The following UGT1A10 variants were observed in gnomAD, a reference collection of about 807,000 sequenced individuals.
UGT1A10 encodes the protein UDP glucuronosyltransferase family 1 member A10, also known as UDP-glucuronosyltransferase 1A10.
In UGT1A10, 49 loss-of-function variants were observed where a neutral mutation model predicts 45.8. That is an observed-to-expected ratio of 1.07 (90% CI 0.85 to 1.36). The LOEUF (loss-of-function observed/expected upper bound fraction) is 1.36, where lower values mean the gene tolerates loss of function less well. UGT1A10 is among the 40% of genes most tolerant of loss of function. UGT1A10 has a pLI of 0.00. For missense variants in UGT1A10, 745 were observed against 668.6 expected (o/e 1.11, Z -1.26); for synonymous variants, 284 against 249.7 (o/e 1.14, Z -1.29).
rs765390164 is a variant in UGT1A10 at position 233,768,290 on chromosome 2, C to T, written c.1146C>T (p.Gly382=). ...SHGVYESICN[G]VPMVMMPLFG... is the part of the protein sequence containing the mutation. Reference sequence around the variant, plus strand: ...GTGTTTATGAAAGCATATGCAATGGCGTTCCCATGGTGATGATGCCCTTGT... The same window carrying T: ...GTGTTTATGAAAGCATATGCAATGGTGTTCCCATGGTGATGATGCCCTTGT... Residue 382 remains glycine, a synonymous_variant, in exon 4 of 5, where the codon GGC becomes GGT. Coordinates refer to ENST00000344644, the MANE Select transcript of UGT1A10 (RefSeq NM_019075.4). The T allele has an allele frequency of 5.0e-6, 8 of 1,614,064 alleles. No individual in the cohort carries two copies. Among genetic ancestry groups the T allele is most frequent in the African/African-American group, 2.7e-5 (2 of 74,922 alleles).
intron 1 of UGT1A10, among the ~76,000 whole-genome samples, chr2:233,687,679 G>A (rs1024397203): frequency 4.0e-5 from 6 of 151,660 alleles, no homozygotes; most frequent in Admixed American, 1.3e-4. Context: ...AAGGCAGGAA[G>A]ATCACTTAAG....
At chr2:233,671,410 T>G (rs767646652) in intron 1 of UGT1A10, among the ~76,000 whole-genome samples, 1 of 152,192 alleles carries the variant, frequency 6.6e-6, no homozygotes, top group Non-Finnish European at 1.5e-5. Flanking sequence ...AGCAGCAATA[T>G]GTATGCATTG....
At position 233,665,818 on chromosome 2, in the gene UGT1A10, G is replaced by A. The variant is rs539795741; in HGVS notation, c.855+28441G>A. Among the ~76,000 whole-genome samples the A allele has an allele frequency of 5.3e-4, 80 of 152,280 alleles. 2 individuals carry two copies. Among genetic ancestry groups the A allele is most frequent in the South Asian group, 6.2e-4 (3 of 4,816 alleles). ...AAATACCCAACAGTGGAGTAGTTGT[G>A]ATCTATGGTAGGTGTATGGTTACCT... is the stretch of plus-strand genomic sequence containing the variant. On this transcript the variant is annotated intron_variant, in intron 1 of 4. Coordinates refer to ENST00000344644, the MANE Select transcript of UGT1A10 (RefSeq NM_019075.4).
intron 1 of UGT1A10, among the ~76,000 whole-genome samples, chr2:233,748,498 T>G (rs1180536491): frequency 2.0e-5 from 3 of 151,812 alleles, no homozygotes; most frequent in Non-Finnish European, 4.4e-5. Flanking sequence ...TGTGATAATT[T>G]TTAGTGGTCC....
At chr2:233,728,351 G>A (rs1396406554) in intron 1 of UGT1A10, among the ~76,000 whole-genome samples, 1 of 152,180 alleles carries the variant, frequency 6.6e-6, no homozygotes, top group East Asian at 1.9e-4. Context: ...TGGTGAGCAG[G>A]AGCTCCCTGA....
intron 1 of UGT1A10, among the ~76,000 whole-genome samples, chr2:233,674,389 C>T (rs904545171): frequency 6.6e-6 from 1 of 152,126 alleles, no homozygotes; most frequent in Non-Finnish European, 1.5e-5. Context: ...CTTTACCCTC[C>T]ATAAATTATA....
chr2:233,767,737 C>A, intron 2 of UGT1A10, 112 bp from the exon 3 acceptor site: 1 of 1,571,400 alleles, frequency 6.4e-7, no homozygotes, highest in South Asian at 1.2e-5. Context: ...TCCTCCCACT[C>A]TGTTAAAGAC....
intron 1 of UGT1A10, chr2:233,755,338 G>T (rs569505432): frequency 4.6e-6 from 2 of 431,822 alleles, no homozygotes; most frequent in South Asian, 2.1e-5. Flanking sequence ...CCCGCGCACA[G>T]GTCAGAGGCT....
intron 1 of UGT1A10, among the ~76,000 whole-genome samples, chr2:233,759,283 A>C (rs562983605): frequency 1.3e-5 from 2 of 152,282 alleles, no homozygotes; most frequent in East Asian, 3.9e-4. Flanking sequence ...TGATTGGTTG[A>C]TGAAGCTGAG....
At chr2:233,691,171 C>G in intron 1 of UGT1A10, 1 of 985,720 alleles carries the variant, frequency 1.0e-6, no homozygotes, top group South Asian at 4.7e-5. Flanking sequence ...TGCCTAATGT[C>G]TGCCTGCTCA....
intron 1 of UGT1A10, among the ~76,000 whole-genome samples, chr2:233,749,142 T>G (rs1432365652): frequency 6.6e-6 from 1 of 151,878 alleles, no homozygotes; most frequent in Non-Finnish European, 1.5e-5. Flanking sequence ...GCATATGAAC[T>G]TCCATGACTT....
intron 1 of UGT1A10, among the ~76,000 whole-genome samples, chr2:233,683,034 G>A (rs1009810485): frequency 3.4e-4 from 52 of 151,970 alleles, no homozygotes; most frequent in African/African-American, 1.3e-3. Context: ...CAATCTAAAT[G>A]CTATTTTTGG....
intron 1 of UGT1A10, among the ~76,000 whole-genome samples, chr2:233,726,156 G>T (rs1332003910): frequency 1.3e-5 from 2 of 152,114 alleles, no homozygotes; most frequent in Non-Finnish European, 2.9e-5. Flanking sequence ...ACAGAGTGAG[G>T]CCCCATTTCA....
intron 1 of UGT1A10, chr2:233,754,805 A>G (rs755961500): frequency 2.3e-6 from 3 of 1,294,912 alleles, no homozygotes; most frequent in South Asian, 2.4e-5. Context: ...TATCAAAAGA[A>G]GAAAAACCAC....
At chr2:233,716,242 C>T (rs116835228) in intron 1 of UGT1A10, among the ~76,000 whole-genome samples, 1,736 of 152,272 alleles carry the variant, frequency 0.011, 26 homozygotes, top group African/African-American at 0.04. Flanking sequence ...TTGTCCTGCC[C>T]GGACATCCAG....
chr2:233,757,129 T>C (rs1190338249), intron 1 of UGT1A10, among the ~76,000 whole-genome samples: 1 of 150,874 alleles, frequency 6.6e-6, no homozygotes, highest in Non-Finnish European at 1.5e-5. Context: ...AGAGGAGGAA[T>C]GAGCTTGGAC....
chr2:233,759,780 G>C (rs1697251948), intron 1 of UGT1A10, among the ~76,000 whole-genome samples: 1 of 152,286 alleles, frequency 6.6e-6, no homozygotes, highest in South Asian at 2.1e-4. Context: ...TTGGACGAAG[G>C]AATGAAACAC....
intron 1 of UGT1A10, chr2:233,672,344 T>A: frequency 6.2e-7 from 1 of 1,614,184 alleles, no homozygotes; most frequent in Non-Finnish European, 8.5e-7. Flanking sequence ...GTAGAATACT[T>A]AAAGGAGAGT....
At chr2:233,676,986 T>C (rs2074378510) in intron 1 of UGT1A10, among the ~76,000 whole-genome samples, 1 of 152,182 alleles carries the variant, frequency 6.6e-6, no homozygotes, top group Non-Finnish European at 1.5e-5. Context: ...AATGAGGTAG[T>C]GTTACCTCTA....
Sources: allele counts gnomAD v4.1 joint callset (sites outside exome capture counted in the v4.1 genomes callset), GRCh38; gene constraint gnomAD v4.1.1; transcripts MANE v1.5; gene names NCBI Gene and HGNC (gene_info 2026-07-23, HGNC 2026-07-21).